CDK17: variants seen among roughly 807,000 people sequenced by gnomAD.
CDK17 encodes the protein cyclin-dependent kinase 17.
CDK17 carries 24 observed loss-of-function variants against 77.6 expected under a neutral mutation model. The observed-to-expected ratio is 0.31, with a 90% confidence interval of 0.22 to 0.44. The LOEUF (loss-of-function observed/expected upper bound fraction) is 0.44. Ranked by LOEUF, CDK17 falls within the 20% of genes least tolerant of loss-of-function variation. The pLI is 1.00. For synonymous variants in CDK17, 203 were observed against 210.4 expected (o/e 0.96, Z 0.30); for missense variants, 429 against 622.5 (o/e 0.69, Z 3.31).
intron 1 of CDK17, among the ~76,000 whole-genome samples, chr12:96,381,301 A>G (rs1180843793): frequency 6.6e-6 from 1 of 152,052 alleles, no homozygotes; most frequent in Non-Finnish European, 1.5e-5. Context: ...TGATACAACT[A>G]ACCCTTATCT....
rs539058255 is a variant in CDK17 at position 96,335,093 on chromosome 12, A to G, written c.-29-228T>C. On this transcript the variant is annotated intron_variant, in intron 1 of 16. Transcript: ENST00000261211. Reference sequence around the variant, plus strand: ...GAGCAGGAATTCCATGTAACTAAAGAGTGGGACTTTAAGCATCACAAATAA... The same window carrying G: ...GAGCAGGAATTCCATGTAACTAAAGGGTGGGACTTTAAGCATCACAAATAA... The G allele has an allele frequency of 5.5e-5, 32 of 583,758 alleles. No individual in the cohort carries two copies. In the East Asian group the frequency reaches 1.1e-3, roughly 20 times the overall value. 36.2% of individuals were successfully genotyped at this position (583,758 alleles called of 1,614,324 possible).
chr12:96,320,251 G>A (rs1444202704), intron 3 of CDK17, among the ~76,000 whole-genome samples: 2 of 144,970 alleles, frequency 1.4e-5, no homozygotes, highest in Non-Finnish European at 3.0e-5. Context: ...AACTTACAAG[G>A]GATGTGAAGG....
At chr12:96,290,151 T>A (rs956591588) in intron 10 of CDK17, among the ~76,000 whole-genome samples, 14 of 152,250 alleles carry the variant, frequency 9.2e-5, no homozygotes, top group African/African-American at 3.1e-4. Flanking sequence ...AAGCTTGCTG[T>A]AAGTGATATA....
At chr12:96,320,554 AC>A (rs1423819881) in intron 3 of CDK17, among the ~76,000 whole-genome samples, 1 of 148,954 alleles carries the variant, frequency 6.7e-6, no homozygotes. Context: ...CTGACTTCAA[AC>A]TATACTACAA....
chr12:96,348,510 C>A (rs541376591), intron 1 of CDK17, among the ~76,000 whole-genome samples: 40 of 117,124 alleles, frequency 3.4e-4, no homozygotes, highest in Non-Finnish European at 5.1e-4. Context: ...GGCAACACAG[C>A]GAGACTCTGT....
chr12:96,339,991 C>T (rs1592738797), intron 1 of CDK17, among the ~76,000 whole-genome samples: 1 of 151,784 alleles, frequency 6.6e-6, no homozygotes. Flanking sequence ...GTAAAAAAAT[C>T]ACCAAAATTA....
intron 5 of CDK17, among the ~76,000 whole-genome samples, chr12:96,305,950 GGGCTCA>G (rs988773033): frequency 2.0e-5 from 3 of 152,126 alleles, no homozygotes; most frequent in African/African-American, 7.2e-5. Flanking sequence ...TTGGACTCCT[GGGCTCA>G]AGCAAACCTC....
intron 1 of CDK17, among the ~76,000 whole-genome samples, chr12:96,366,573 G>A (rs1450060548): frequency 6.6e-6 from 1 of 152,174 alleles, no homozygotes; most frequent in Non-Finnish European, 1.5e-5. Flanking sequence ...TAAAAAATCA[G>A]TTCGTAGTAC....
Position 96,286,065 on chromosome 12 carries a change from G to A in CDK17, c.1300C>T (p.Pro434Ser). 1 of 1,567,288 alleles carries A rather than the reference G, an allele frequency of 6.4e-7. No homozygotes were observed. The highest frequency in any genetic ancestry group is 8.7e-7 in the Non-Finnish European group (1 of 1,150,954). Reference sequence around the variant, plus strand: ...TACCTGGGTGCGTGGTTAATTAGAGGCTGTGGTTTATATTTTGGAAAGTTG... The same window carrying A: ...TACCTGGGTGCGTGGTTAATTAGAGACTGTGGTTTATATTTTGGAAAGTTG... ...NYNFPKYKPQ[P>S]LINHAPRLDS... The change falls in exon 13 of 17, where the codon CCT (proline) becomes TCT (serine). Residue 434 changes from proline to serine, a missense_variant. By Grantham distance (74) the Pro-to-Ser change is moderately conservative. Around this residue, in one of 4 missense-constraint regions of CDK17, gnomAD observed 115 missense variants for 124.2 expected, o/e 0.93. Coordinates refer to ENST00000261211, the MANE Select transcript of CDK17 (RefSeq NM_002595.5).
At chr12:96,333,190 G>C (rs570999740) in intron 2 of CDK17, among the ~76,000 whole-genome samples, 1 of 152,152 alleles carries the variant, frequency 6.6e-6, no homozygotes, top group African/African-American at 2.4e-5. Context: ...GTCTAAAAGA[G>C]AATTAAGGAT....
At chr12:96,329,999 T>A (rs979661493) in intron 2 of CDK17, among the ~76,000 whole-genome samples, 1 of 152,252 alleles carries the variant, frequency 6.6e-6, no homozygotes, top group Non-Finnish European at 1.5e-5. Flanking sequence ...TTTATCTGAC[T>A]ACACTTCTTG....
rs370025053 is a variant in CDK17, at chr12:96,309,566, A to G, written c.543+1486T>C. 5.9e-5 allele frequency among the ~76,000 whole-genome samples: 9 copies of G among 152,368 alleles called. No homozygotes were observed. The South Asian group carries it at 6.2e-4, about 11-fold the overall frequency. ...AATATTAAGAAAATATATTTGTAAG[A>G]CATGTAACTGACAAAGGTCCTGTAT... On this transcript the variant is annotated intron_variant, in intron 5 of 16. Coordinates refer to ENST00000261211, the MANE Select transcript of CDK17 (RefSeq NM_002595.5).
At chr12:96,303,699 A>G (rs959842071) in intron 5 of CDK17, among the ~76,000 whole-genome samples, 1 of 151,862 alleles carries the variant, frequency 6.6e-6, no homozygotes, top group Non-Finnish European at 1.5e-5. Flanking sequence ...AAATTAAATT[A>G]TAATTTATAA....
chr12:96,282,443 C>T, intron 15 of CDK17, 66 bp downstream of exon 15: 1 of 1,004,384 alleles, frequency 1.0e-6, no homozygotes, highest in Admixed American at 1.9e-5. Context: ...TCTCCCCAAT[C>T]ACCCCAGACC....
At chr12:96,286,320 T>A (rs952966379) in intron 12 of CDK17, among the ~76,000 whole-genome samples, 172 bp from the exon 13 acceptor site, 2 of 151,860 alleles carry the variant, frequency 1.3e-5, no homozygotes, top group African/African-American at 4.8e-5. Context: ...CATGGACTTT[T>A]TGTTTGGACT....
At chr12:96,355,180 A>C (rs1437885780) in intron 1 of CDK17, among the ~76,000 whole-genome samples, 1 of 151,792 alleles carries the variant, frequency 6.6e-6, no homozygotes, top group East Asian at 1.9e-4. Context: ...CCACTATAGC[A>C]GCTGTCTCTT....
chr12:96,320,711 GATTCCCT>G (rs1285081955), intron 3 of CDK17, among the ~76,000 whole-genome samples: 3 of 147,282 alleles, frequency 2.0e-5, no homozygotes, highest in Non-Finnish European at 4.5e-5. Flanking sequence ...ATGGGGAAAG[GATTCCCT>G]ATTTAATAAA....
At chr12:96,359,572 C>T (rs1026335341) in intron 1 of CDK17, among the ~76,000 whole-genome samples, 1 of 152,128 alleles carries the variant, frequency 6.6e-6, no homozygotes, top group South Asian at 2.1e-4. Flanking sequence ...GGTCACATGG[C>T]CATGCCTAAT....
chr12:96,343,047 T>C (rs771220321), intron 1 of CDK17, among the ~76,000 whole-genome samples: 6 of 152,020 alleles, frequency 3.9e-5, no homozygotes, highest in African/African-American at 7.2e-5. Context: ...ACACACAAAC[T>C]AGAAAAAAAG....
Sources: gnomAD v4.1 joint callset for allele counts (sites outside exome capture counted in the v4.1 genomes callset) on GRCh38, gnomAD v4.1.1 for gene constraint, gnomAD v4.1.1 regional missense constraint, MANE v1.5 for transcripts, NCBI Gene and HGNC (gene_info 2026-07-23, HGNC 2026-07-21) for gene names.